The following PKP4 variants were observed in gnomAD, a reference collection of about 807,000 sequenced individuals.
PKP4 encodes plakophilin 4, also known as plakophilin-4.
Under a neutral mutation model 145.1 loss-of-function variants are expected in PKP4, and 90 were observed. The ratio of observed to expected loss-of-function variants is 0.62; its 90% CI spans 0.52 to 0.74. The LOEUF (loss-of-function observed/expected upper bound fraction) is 0.74. Ranked by LOEUF, PKP4 falls within the 30% of genes least tolerant of loss-of-function variation. PKP4 has a pLI of 0.00. For synonymous variants in PKP4, 563 were observed against 577.2 expected (o/e 0.98, Z 0.35); for missense variants, 1,340 against 1,482.7 (o/e 0.90, Z 1.58).
chr2:158,623,136 GT>G (rs2052413762), intron 6 of PKP4, among the ~76,000 whole-genome samples: 1 of 152,068 alleles, frequency 6.6e-6, no homozygotes, highest in South Asian at 2.1e-4. Flanking sequence ...TTTGCATTTT[GT>G]TACCACTATT....
At chr2:158,583,146 C>T (rs1407439777) in intron 3 of PKP4, among the ~76,000 whole-genome samples, 4 of 152,198 alleles carry the variant, frequency 2.6e-5, no homozygotes, top group Non-Finnish European at 4.4e-5. Context: ...AAGCAACATC[C>T]TTCAAATCCA....
intron 1 of PKP4, among the ~76,000 whole-genome samples, chr2:158,498,277 CAGGCCCAGCTTTTCCACACATTTTTT>C (rs1422730632): frequency 6.6e-6 from 1 of 152,094 alleles, no homozygotes; most frequent in Non-Finnish European, 1.5e-5. Flanking sequence ...CATGTGCTAC[CAGGCCCAGCTTTTCCACACATTTTTT>C]AGTCAATGTA....
chr2:158,527,168 G>A lies in PKP4; in HGVS notation c.-5-6012G>A, dbSNP rs1485920860. Among the ~76,000 whole-genome samples the A allele has an allele frequency of 1.2e-4, 14 of 116,376 alleles. 1 individual carries two copies. Among genetic ancestry groups the A allele is most frequent in the African/African-American group, 3.3e-4 (10 of 30,514 alleles). 76.3% of individuals were successfully genotyped at this position (116,376 alleles called of 152,430 possible). A position where few individuals can be genotyped will look rare whatever the true frequency, so the allele number is the denominator to read the frequency against. Reference sequence around the variant, plus strand: ...TTCATATGGAACCAAAAAAGAGCCCGCATCGCCAAGTCAATCCTAAGCCAA... The same window carrying A: ...TTCATATGGAACCAAAAAAGAGCCCACATCGCCAAGTCAATCCTAAGCCAA... On this transcript the variant is annotated intron_variant, in intron 1 of 21. Transcript: ENST00000389759.
intron 2 of PKP4, among the ~76,000 whole-genome samples, chr2:158,537,015 A>G (rs1244957130): frequency 1.3e-5 from 2 of 152,178 alleles, no homozygotes; most frequent in South Asian, 2.1e-4. Flanking sequence ...CACCTTGGAT[A>G]TATTAGACCT....
chr2:158,556,759 C>A (rs1380259517), intron 2 of PKP4, among the ~76,000 whole-genome samples: 4 of 152,134 alleles, frequency 2.6e-5, no homozygotes, highest in African/African-American at 9.7e-5. Context: ...TGCAGACCAT[C>A]CCTGTTTGGT....
intron 2 of PKP4, among the ~76,000 whole-genome samples, chr2:158,536,385 A>T (rs1038186287): frequency 6.6e-6 from 1 of 152,236 alleles, no homozygotes; most frequent in Non-Finnish European, 1.5e-5. Context: ...AAGGAATTGC[A>T]AAGTAGTATC....
intron 4 of PKP4, among the ~76,000 whole-genome samples, chr2:158,608,930 C>T (rs1000285989): frequency 6.8e-6 from 1 of 147,692 alleles, no homozygotes; most frequent in African/African-American, 2.5e-5. Context: ...TCTCCTGTCT[C>T]TGCCTCCTGA....
chr2:158,669,814 T>A lies in PKP4; in HGVS notation c.2823T>A (p.Ala941=). The change falls in exon 17 of 22, where the codon GCT becomes GCA. Residue 941 remains alanine (A), a synonymous_variant. Coordinates refer to ENST00000389759, the MANE Select transcript of PKP4 (RefSeq NM_003628.6). ...AGACCATGGCAGCCATCTGCTGTGC[T>A]CTGCACGAGGTCACCAGCAAAAACA... ...SDETMAAICC[A]LHEVTSKNME... is the part of the protein sequence containing the mutation. 6.2e-7 allele frequency: 1 copy of A among 1,614,114 alleles called. No homozygotes were observed. The highest frequency in any genetic ancestry group is 8.5e-7 in the Non-Finnish European group (1 of 1,179,930).
At chr2:158,567,531 TG>T (rs1307285350) in intron 2 of PKP4, among the ~76,000 whole-genome samples, 1 of 152,200 alleles carries the variant, frequency 6.6e-6, no homozygotes, top group Admixed American at 6.5e-5. Flanking sequence ...TTTCAAATCT[TG>T]GTTTTGAGTG....
intron 1 of PKP4, among the ~76,000 whole-genome samples, chr2:158,473,700 G>A (rs1433272431): frequency 6.6e-6 from 1 of 151,546 alleles, no homozygotes; most frequent in Non-Finnish European, 1.5e-5. Flanking sequence ...TAACTCTGGG[G>A]TATTGGACTT....
At chr2:158,603,264 T>C (rs2050375706) in intron 4 of PKP4, among the ~76,000 whole-genome samples, 160 bp downstream of exon 4, 1 of 152,182 alleles carries the variant, frequency 6.6e-6, no homozygotes, top group Non-Finnish European at 1.5e-5. Flanking sequence ...TGCTTAAGTT[T>C]TTAGTATAAT....
At chr2:158,679,369 C>G (rs1464852045) in intron 21 of PKP4, 1 of 152,194 alleles carries the variant, frequency 6.6e-6, no homozygotes, top group South Asian at 2.1e-4. Context: ...TCTAAGACCT[C>G]TCCTTCTCGT....
intron 4 of PKP4, among the ~76,000 whole-genome samples, chr2:158,610,203 A>T (rs538760000): frequency 6.6e-6 from 1 of 152,226 alleles, no homozygotes; most frequent in East Asian, 1.9e-4. Context: ...CATGTCTTAT[A>T]ACCTTGTGTA....
chr2:158,556,937 A>G (rs1190596966), intron 2 of PKP4, among the ~76,000 whole-genome samples: 1 of 152,096 alleles, frequency 6.6e-6, no homozygotes, highest in Non-Finnish European at 1.5e-5. Context: ...CTTGAAATCA[A>G]TTTCATTTCC....
chr2:158,668,046 G>T (rs747648816), intron 16 of PKP4, among the ~76,000 whole-genome samples: 1 of 152,182 alleles, frequency 6.6e-6, no homozygotes, highest in Non-Finnish European at 1.5e-5. Flanking sequence ...ACTGTGAAGT[G>T]CTAAGACCTT....
chr2:158,578,140 T>G (rs1372608595), intron 3 of PKP4: 1 of 192,292 alleles, frequency 5.2e-6, no homozygotes, highest in African/African-American at 2.4e-5. Context: ...CTCAGTTATT[T>G]CTAACCTCAT....
chr2:158,609,408 G>A (rs946121111), intron 4 of PKP4, among the ~76,000 whole-genome samples: 6 of 152,090 alleles, frequency 3.9e-5, no homozygotes, highest in East Asian at 3.8e-4. Context: ...CTCTTTATTC[G>A]TTTTTTGGTT....
At chr2:158,620,220 T>C (rs10180277) in intron 4 of PKP4, among the ~76,000 whole-genome samples, 76,350 of 151,954 alleles carry the variant, frequency 0.5, 19,596 homozygotes, top group South Asian at 0.68. Context: ...TTTGAAGATA[T>C]TAGAGAAAGA....
chr2:158,676,807 C>T lies in PKP4; in HGVS notation c.3196C>T (p.Gln1066Ter), dbSNP rs777131813. 2 of 1,613,984 alleles carry T rather than the reference C, an allele frequency of 1.2e-6. No individual in the cohort carries two copies. The highest frequency in any genetic ancestry group is 1.3e-5 in the African/African-American group (1 of 74,910). The change falls in exon 20 of 22, where the codon CAG (glutamine) becomes TAG (stop). Residue 1066 changes from glutamine (Q) to a stop codon, truncating the protein, a stop_gained. Coordinates refer to ENST00000389759, the MANE Select transcript of PKP4 (RefSeq NM_003628.6). LOFTEE classifies it high-confidence loss of function. ...RDPRSEYDRT[Q>*]PPMQYYNSQG... ...CCCTCGCTCTGAATACGATAGGACC[C>T]AGCCACCTATGCAGTATTACAATAG...
Sources: gnomAD v4.1 joint callset for allele counts (sites outside exome capture counted in the v4.1 genomes callset) on GRCh38, gnomAD v4.1.1 for gene constraint, MANE v1.5 for transcripts, NCBI Gene and HGNC (gene_info 2026-07-23, HGNC 2026-07-21) for gene names.